Variants in MIEF1 observed in about 807,000 individuals in gnomAD.
MIEF1 encodes mitochondrial elongation factor 1.
MIEF1 carries 14 observed loss-of-function variants against 35.1 expected under a neutral mutation model. That is an observed-to-expected ratio of 0.40 (90% CI 0.26 to 0.62). MIEF1 has a LOEUF of 0.62. Among genes scored for constraint, MIEF1 ranks in the 20% least tolerant of loss-of-function variants. MIEF1 has a pLI of 0.43. For missense variants in MIEF1, 542 were observed against 615.4 expected, an observed-to-expected ratio of 0.88 and a Z score of 1.26; for synonymous variants, 245 against 254.3, an observed-to-expected ratio of 0.96 and a Z score of 0.35.
intron 3 of MIEF1, 30 bp from the exon 4 acceptor site, chr22:39,511,819 T>G: frequency 6.3e-7 from 1 of 1,591,284 alleles, no homozygotes; most frequent in Non-Finnish European, 8.6e-7. Context: ...GAGGGCAGGT[T>G]TATGTCCTGT....
At position 39,517,739 on chromosome 22, in the gene MIEF1, G is replaced by A. The variant is rs190857986; in HGVS notation, c.*3416G>A. The A allele has an allele frequency of 1.3e-4, 50 of 378,336 alleles. No individual in the cohort carries two copies. The East Asian group carries it at 1.6e-3, about 12-fold the overall frequency. 23.4% of individuals were successfully genotyped at this position (378,336 alleles called of 1,614,324 possible). On this transcript the variant is annotated 3_prime_UTR_variant, in exon 6 of 6. Coordinates refer to ENST00000325301, the MANE Select transcript of MIEF1 (RefSeq NM_019008.6). ...TAGGACAGAGCTGACCCTTGCACCA[G>A]GCTGGGAGGCTGCAGCCCTTTTAGA...
At chr22:39,507,649 A>C (rs1311326804) in intron 2 of MIEF1, among the ~76,000 whole-genome samples, 1 of 151,750 alleles carries the variant, frequency 6.6e-6, no homozygotes, top group East Asian at 2.0e-4. Flanking sequence ...AGATCACCTG[A>C]AGTCAGGAGT....
At chr22:39,511,151 C>A in intron 2 of MIEF1, 137 bp from the exon 3 acceptor site, 1 of 1,043,468 alleles carries the variant, frequency 9.6e-7, no homozygotes, top group Non-Finnish European at 1.4e-6. Context: ...GACCCTAAAG[C>A]ATGCAGTGCT....
intron 2 of MIEF1, among the ~76,000 whole-genome samples, chr22:39,508,219 G>A (rs2145746087): frequency 6.6e-6 from 1 of 152,316 alleles, no homozygotes; most frequent in African/African-American, 2.4e-5. Context: ...ACTCATTTGA[G>A]GTCACCCAGC....
At position 39,514,227 on chromosome 22, in the gene MIEF1, G is replaced by A. The variant is rs1930534859; in HGVS notation, c.1296G>A (p.Val432=). ...GVLPSALNPK[V]NLFAELTPEE... ...TGCCCAGTGCCCTAAACCCCAAGGT[G>A]AACTTATTTGCAGAGCTCACCCCTG... Residue 432 remains valine (V), a synonymous_variant, in exon 6 of 6, where the codon GTG becomes GTA. Transcript: ENST00000325301. 1.2e-6 allele frequency: 2 copies of A among 1,614,234 alleles called. No homozygotes were observed. The highest frequency in any genetic ancestry group is 2.2e-5 in the South Asian group (2 of 91,080).
chr22:39,513,918 G>A lies in MIEF1; in HGVS notation c.987G>A (p.Arg329=). 6.2e-7 allele frequency: 1 copy of A among 1,613,938 alleles called. No homozygotes were observed. The highest frequency in any genetic ancestry group is 8.5e-7 in the Non-Finnish European group (1 of 1,180,036). Residue 329 remains arginine, a synonymous_variant, in exon 6 of 6, where the codon CGG becomes CGA. Coordinates refer to ENST00000325301, the MANE Select transcript of MIEF1 (RefSeq NM_019008.6). ...GDTVLVAKPH[R]LAQYDNLWRL... ...CAGTCTTGGTGGCCAAACCACACCG[G>A]CTAGCCCAGTATGACAACCTGTGGC...
chr22:39,510,146 C>T (rs1569017475), intron 2 of MIEF1, among the ~76,000 whole-genome samples: 4 of 152,074 alleles, frequency 2.6e-5, no homozygotes, highest in Admixed American at 1.3e-4. Flanking sequence ...TTAGTAGTGA[C>T]GGGGTTTCTC....
Position 39,511,909 on chromosome 22 carries a change from A to G in MIEF1, c.205A>G (p.Arg69Gly). Residue 69 changes from arginine (R) to glycine (G), a missense_variant, in exon 4 of 6, where the codon AGG becomes GGG. By Grantham distance (125) the Arg-to-Gly change is moderately radical. Transcript: ENST00000325301. ...CACCCGCCTGAGCCATTCGGGGAAA[A>G]GGAGCTGGGAAGAACCCAACTGGAT... is the stretch of plus-strand genomic sequence containing the variant. ...SPTRLSHSGK[R>G]SWEEPNWMGS... 1 of 1,614,214 alleles carries G rather than the reference A, an allele frequency of 6.2e-7. No homozygotes were observed. Among genetic ancestry groups the G allele is most frequent in the South Asian group, 1.1e-5 (1 of 91,080 alleles).
chr22:39,512,591 G>A (rs1026196323), intron 5 of MIEF1, 97 bp downstream of exon 5: 2 of 1,449,418 alleles, frequency 1.4e-6, no homozygotes, highest in Non-Finnish European at 1.8e-6. Flanking sequence ...GAAAGACTGA[G>A]GTCTTACAGC....
intron 3 of MIEF1, 108 bp downstream of exon 3, chr22:39,511,546 A>T: frequency 7.1e-7 from 1 of 1,415,784 alleles, no homozygotes; most frequent in Non-Finnish European, 9.3e-7. Flanking sequence ...AATGATCGCA[A>T]TGATAAGTGA....
intron 3 of MIEF1, among the ~76,000 whole-genome samples, 154 bp from the exon 4 acceptor site, chr22:39,511,695 G>C (rs949898265): frequency 1.3e-5 from 2 of 152,208 alleles, no homozygotes; most frequent in African/African-American, 4.8e-5. Flanking sequence ...TCTTCCCTGA[G>C]ATTTTCTGCG....
rs2084381106 is a variant in MIEF1, at chr22:39,515,663, T to C, written c.*1340T>C. 5.5e-6 allele frequency: 2 copies of C among 364,252 alleles called. No homozygotes were observed. The highest frequency in any genetic ancestry group is 2.1e-5 in the African/African-American group (1 of 48,384). 22.6% of individuals were successfully genotyped at this position (364,252 alleles called of 1,614,324 possible). A position where few individuals can be genotyped will look rare whatever the true frequency, so the allele number is the denominator to read the frequency against. On this transcript the variant is annotated 3_prime_UTR_variant, in exon 6 of 6. Transcript: ENST00000325301. Reference sequence around the variant, plus strand: ...CAGTATTTATTGCAATGTAAATGTATCCTGAAGGTGGGGAGGAATGTTTAA... The same window carrying C: ...CAGTATTTATTGCAATGTAAATGTACCCTGAAGGTGGGGAGGAATGTTTAA...
At chr22:39,501,100 T>C (rs895647960), upstream of MIEF1, among the ~76,000 whole-genome samples, 1 of 152,130 alleles carries the variant, frequency 6.6e-6, no homozygotes, top group African/African-American at 2.4e-5. Flanking sequence ...TCCCAGCACT[T>C]CTTGGCTCTG....
rs1036642594 is a variant in MIEF1, at chr22:39,502,451, G to T, written c.-340+14G>T. 1 of 152,328 alleles carries T rather than the reference G, an allele frequency of 6.6e-6. No homozygotes were observed. The highest frequency in any genetic ancestry group is 2.4e-5 in the African/African-American group (1 of 41,466). The allele number at this position is 152,328 out of a possible 1,614,324, so 9.4% of individuals were successfully genotyped here. Reference sequence around the variant, plus strand: ...CACGGCCTGCGGGTGAGTGAGAGAAGGAATGAGGGCCGCCGGCGGCTGGGC... The same window carrying T: ...CACGGCCTGCGGGTGAGTGAGAGAATGAATGAGGGCCGCCGGCGGCTGGGC... On this transcript the variant is annotated intron_variant, in intron 1 of 5. Transcript: ENST00000325301.
chr22:39,510,002 A>G (rs1436384162), intron 2 of MIEF1, among the ~76,000 whole-genome samples: 1 of 152,190 alleles, frequency 6.6e-6, no homozygotes. Context: ...CTTGTTACCC[A>G]GGCTAGAGTG....
At chr22:39,503,911 T>G in intron 1 of MIEF1, 2 of 233,264 alleles carry the variant, frequency 8.6e-6, no homozygotes, top group East Asian at 8.5e-5. Flanking sequence ...CTAATCTCCA[T>G]TTTATAAGTG....
chr22:39,507,547 A>G (rs1426633533), intron 2 of MIEF1, among the ~76,000 whole-genome samples: 2 of 150,802 alleles, frequency 1.3e-5, no homozygotes, highest in East Asian at 4.1e-4. Context: ...ACCCGGCCGA[A>G]AAGGCTTAAC....
chr22:39,517,412 C>T lies in MIEF1; in HGVS notation c.*3089C>T. On this transcript the variant is annotated 3_prime_UTR_variant, in exon 6 of 6. Transcript: ENST00000325301. ...AAGTTTAAAGAAGCGTTGCAGAGGC[C>T]CACGGTCTCCTGGGTCCCGGCCACC... The T allele has an allele frequency of 3.2e-6, 1 of 316,510 alleles. No individual in the cohort carries two copies. Among genetic ancestry groups the T allele is most frequent in the Non-Finnish European group, 6.7e-6 (1 of 149,606 alleles). 19.6% of individuals were successfully genotyped at this position (316,510 alleles called of 1,614,324 possible).
chr22:39,514,416 T>C lies in MIEF1; in HGVS notation c.*93T>C. ...CCTAGTTGGTGCCTCACAGGGTTCC[T>C]GCTGCCTGGTGTCTTGCTGATCATC... On this transcript the variant is annotated 3_prime_UTR_variant, in exon 6 of 6. Coordinates refer to ENST00000325301, the MANE Select transcript of MIEF1 (RefSeq NM_019008.6). The C allele has an allele frequency of 8.0e-7, 1 of 1,242,850 alleles. No homozygotes were observed. The allele number at this position is 1,242,850 out of a possible 1,614,324, so 77.0% of individuals were successfully genotyped here.
Sources: allele counts gnomAD v4.1 joint callset (sites outside exome capture counted in the v4.1 genomes callset), GRCh38; gene constraint gnomAD v4.1.1; transcripts MANE v1.5; gene names NCBI Gene and HGNC (gene_info 2026-07-23, HGNC 2026-07-21).